UGT2A1: variants seen among roughly 807,000 people sequenced by gnomAD.
UGT2A1 encodes the protein UDP glucuronosyltransferase family 2 member A1 complex locus, also known as UDP-glucuronosyltransferase 2A1.
Under a neutral mutation model 45.4 loss-of-function variants are expected in UGT2A1, and 61 were observed. The observed-to-expected ratio is 1.34, with a 90% CI of 1.09 to 1.66. The LOEUF (loss-of-function observed/expected upper bound fraction) is 1.66. UGT2A1 is among the 40% of genes most tolerant of loss of function. UGT2A1 has a pLI of 0.00. For missense variants in UGT2A1, 649 were observed against 574.3 expected, an observed-to-expected ratio of 1.13 and a Z score of -1.33; for synonymous variants, 229 against 196.2, an observed-to-expected ratio of 1.17 and a Z score of -1.40.
intron 3 of UGT2A1, among the ~76,000 whole-genome samples, chr4:69,624,764 C>G (rs543597867): frequency 6.6e-6 from 1 of 151,472 alleles, no homozygotes; most frequent in South Asian, 2.1e-4. Flanking sequence ...CTATGTATTA[C>G]AACTTCACAA....
chr4:69,610,626 T>C (rs1719979321), intron 3 of UGT2A1, among the ~76,000 whole-genome samples: 1 of 152,192 alleles, frequency 6.6e-6, no homozygotes, highest in Admixed American at 6.6e-5. Context: ...TTAGAGATAA[T>C]TAAGCTTAAA....
Position 69,638,932 on chromosome 4 carries a change from C to T in UGT2A1, c.716-3110G>A, listed in dbSNP as rs868160047. 1.2e-6 allele frequency: 2 copies of T among 1,610,092 alleles called. No individual in the cohort carries two copies. The highest frequency in any genetic ancestry group is 1.7e-6 in the Non-Finnish European group (2 of 1,177,974). On this transcript the variant is annotated intron_variant, in intron 2 of 6. Transcript: ENST00000286604. Reference sequence around the variant, plus strand: ...TTGCTATAGTATGAATTCCATTCTCCCCAGTAGGACTGAAATATATAGTCT... The same window carrying T: ...TTGCTATAGTATGAATTCCATTCTCTCCAGTAGGACTGAAATATATAGTCT...
At chr4:69,591,080 G>C (rs1221280798) in intron 6 of UGT2A1, among the ~76,000 whole-genome samples, 4 of 152,076 alleles carry the variant, frequency 2.6e-5, no homozygotes, top group Non-Finnish European at 5.9e-5. Flanking sequence ...CATTTATTTA[G>C]AAATTTCTAA....
Position 69,599,317 on chromosome 4 carries a change from G to T in UGT2A1, c.925C>A (p.Pro309Thr), listed in dbSNP as rs1417033916. The change falls in exon 4 of 7, where the codon CCT becomes ACT. Residue 309 changes from proline (P) to threonine (T), a missense_variant. Pro to Thr is a conservative substitution (Grantham distance 38). Coordinates refer to ENST00000286604, the MANE Select transcript of UGT2A1 (RefSeq NM_001252275.3). The stretch of plus-strand genomic sequence containing the variant: ...TCAAAATTAGGTAAGTATGGACGAG[G>T]AAATTCAAAATCCCAATATGTTCGG... ...LIRTYWDFEF[P>T]RPYLPNFEFV... 6.2e-7 allele frequency: 1 copy of T among 1,613,842 alleles called. No individual in the cohort carries two copies.
At chr4:69,611,694 C>G (rs759339352) in intron 3 of UGT2A1, among the ~76,000 whole-genome samples, 3 of 152,000 alleles carry the variant, frequency 2.0e-5, no homozygotes, top group Non-Finnish European at 4.4e-5. Context: ...GTTCCCTTTA[C>G]AAATCACTTT....
chr4:69,599,031 GC>G (rs1391180220), intron 4 of UGT2A1, among the ~76,000 whole-genome samples: 1 of 152,068 alleles, frequency 6.6e-6, no homozygotes, highest in African/African-American at 2.4e-5. Flanking sequence ...GTAACACACA[GC>G]TTTAATCATT....
rs541204039 is a variant in UGT2A1 at position 69,588,671 on chromosome 4, C to T, written c.*701G>A. 4 of 151,886 alleles carry T rather than the reference C, an allele frequency of 2.6e-5. No homozygotes were observed. Among genetic ancestry groups the T allele is most frequent in the South Asian group, 2.1e-4 (1 of 4,816 alleles). The allele number at this position is 151,886 out of a possible 1,614,324, so 9.4% of individuals were successfully genotyped here. ...AACTTTCTCCTTGAAATAAAAGAGT[C>T]GATTGATTGATTTATTAAAGACAGT... is the stretch of plus-strand genomic sequence containing the variant. On this transcript the variant is annotated 3_prime_UTR_variant, in exon 7 of 7. Coordinates refer to ENST00000286604, the MANE Select transcript of UGT2A1 (RefSeq NM_001252275.3).
At position 69,594,619 on chromosome 4, in the gene UGT2A1, T is replaced by C. The variant is rs781411760; in HGVS notation, c.1162A>G (p.Met388Val). ...TCAGCAAACATGGGAACTCCCACCATAGGGACTCCGTGGTAAATAGCTTCG... is the reference window on the plus strand; with the variant it reads ...TCAGCAAACATGGGAACTCCCACCACAGGGACTCCGTGGTAAATAGCTTCG... ...IYEAIYHGVPMVGVPMFADQP... is the reference protein window; with the variant it reads ...IYEAIYHGVPVVGVPMFADQP... Residue 388 changes from methionine to valine, a missense_variant, in exon 6 of 7, where the codon ATG becomes GTG. Transcript: ENST00000286604. 31 of 1,613,994 alleles carry C rather than the reference T, an allele frequency of 1.9e-5. No individual in the cohort carries two copies. Among genetic ancestry groups the C allele is most frequent in the Middle Eastern group, 3.3e-4 (2 of 6,082 alleles).
chr4:69,642,509 T>A (rs571849159), intron 2 of UGT2A1, among the ~76,000 whole-genome samples: 3 of 151,770 alleles, frequency 2.0e-5, no homozygotes, highest in Non-Finnish European at 3.0e-5. Flanking sequence ...TTCCAGTGCA[T>A]TTTTTCTTCT....
chr4:69,652,234 T>C (rs7668703), intron 1 of UGT2A1, among the ~76,000 whole-genome samples: 65,498 of 150,626 alleles, frequency 0.43, 14,805 homozygotes, highest in East Asian at 0.66. Flanking sequence ...ATTAACACAA[T>C]TGGTTATTGC....
intron 4 of UGT2A1, among the ~76,000 whole-genome samples, chr4:69,595,661 G>C (rs956269362): frequency 6.6e-6 from 1 of 152,094 alleles, no homozygotes; most frequent in Non-Finnish European, 1.5e-5. Context: ...ATGCAAAATT[G>C]TAGAGATAAA....
In UGT2A1 at chr4:69,595,256, A is replaced by G. The variant is rs774172479; in HGVS notation, c.997-7T>C. 14 of 1,613,178 alleles carry G rather than the reference A, an allele frequency of 8.7e-6. No homozygotes were observed. The highest frequency in any genetic ancestry group is 4.0e-5 in the African/African-American group (3 of 74,852). ...CTTTGTATCTCCATAAAACCTGTGGAAAATGGTGCTTTAATTTTGCAAGGA... is the reference window on the plus strand; with the variant it reads ...CTTTGTATCTCCATAAAACCTGTGGGAAATGGTGCTTTAATTTTGCAAGGA... On this transcript the variant is annotated splice_region_variant and splice_polypyrimidine_tract_variant and intron_variant, in intron 4 of 6. Coordinates refer to ENST00000286604, the MANE Select transcript of UGT2A1 (RefSeq NM_001252275.3).
chr4:69,598,127 T>C (rs1255627535), intron 4 of UGT2A1, among the ~76,000 whole-genome samples: 2 of 152,148 alleles, frequency 1.3e-5, no homozygotes, highest in Non-Finnish European at 2.9e-5. Flanking sequence ...TTATTTCCTA[T>C]AATAAACATT....
chr4:69,639,370 T>G (rs916454336), intron 2 of UGT2A1: 2 of 1,613,586 alleles, frequency 1.2e-6, no homozygotes, highest in African/African-American at 2.7e-5. Flanking sequence ...GAATCTATAT[T>G]GCTCTTCTTG....
intron 4 of UGT2A1, among the ~76,000 whole-genome samples, chr4:69,595,698 T>A: frequency 6.6e-6 from 1 of 152,200 alleles, no homozygotes; most frequent in East Asian, 1.9e-4. Context: ...ATAACATAAG[T>A]CAGAAATTGC....
At chr4:69,590,605 A>T (rs760515941) in intron 6 of UGT2A1, among the ~76,000 whole-genome samples, 1 of 151,774 alleles carries the variant, frequency 6.6e-6, no homozygotes, top group Non-Finnish European at 1.5e-5. Context: ...TGGTACAACT[A>T]GATTCAGCAG....
chr4:69,621,722 T>C lies in UGT2A1; in HGVS notation c.847+13969A>G, dbSNP rs372718242. 2.0e-4 allele frequency among the ~76,000 whole-genome samples: 31 copies of C among 152,058 alleles called. No individual in the cohort carries two copies. The East Asian group carries it at 4.5e-3, about 22-fold the overall frequency. ...CATGTGAATGTTCATTTCAGCATGATTCACAATAGCAAAAACATGAAGTCA... is the reference window on the plus strand; with the variant it reads ...CATGTGAATGTTCATTTCAGCATGACTCACAATAGCAAAAACATGAAGTCA... On this transcript the variant is annotated intron_variant, in intron 3 of 6. Transcript: ENST00000286604.
chr4:69,652,159 C>A (rs1458649683), intron 1 of UGT2A1, among the ~76,000 whole-genome samples: 1 of 145,024 alleles, frequency 6.9e-6, no homozygotes, highest in East Asian at 2.1e-4. Flanking sequence ...GGATTCGCCA[C>A]TGATAACTCA....
intron 3 of UGT2A1, among the ~76,000 whole-genome samples, chr4:69,622,003 C>T (rs1471089094): frequency 1.3e-5 from 2 of 151,518 alleles, no homozygotes; most frequent in African/African-American, 4.8e-5. Context: ...GTAAGGCCTA[C>T]TTGAGGGTGG....
Sources: gnomAD v4.1 joint callset for allele counts (sites outside exome capture counted in the v4.1 genomes callset) on GRCh38, gnomAD v4.1.1 for gene constraint, MANE v1.5 for transcripts, NCBI Gene and HGNC (gene_info 2026-07-23, HGNC 2026-07-21) for gene names.